The following SAMMSON variants were observed in gnomAD, a reference collection of about 807,000 sequenced individuals.
SAMMSON encodes survival associated mitochondrial melanoma specific oncogenic non-coding RNA, also known as long intergenic non-protein coding RNA 1212.
chr3:70,282,089 A>G (rs985978860), intron 6 of SAMMSON, among the ~76,000 whole-genome samples: 2 of 152,110 alleles, frequency 1.3e-5, no homozygotes, highest in Admixed American at 1.3e-4. Flanking sequence ...GCCAGGGAAG[A>G]AGGCTTTTTT....
At chr3:70,428,578 T>TA (rs972949466) in intron 2 of SAMMSON, among the ~76,000 whole-genome samples, 1 of 152,222 alleles carries the variant, frequency 6.6e-6, no homozygotes, top group Non-Finnish European at 1.5e-5. Flanking sequence ...TGTTGTATTC[T>TA]AAAAATGTGA....
intron 7 of SAMMSON, among the ~76,000 whole-genome samples, chr3:70,344,683 G>T (rs1702737411): frequency 6.6e-6 from 1 of 152,192 alleles, no homozygotes; most frequent in Non-Finnish European, 1.5e-5. Flanking sequence ...TGGGGCCAGA[G>T]CCAAGGGCAC....
At chr3:70,074,111 A>G (rs1422308602) in intron 4 of SAMMSON, among the ~76,000 whole-genome samples, 1 of 152,038 alleles carries the variant, frequency 6.6e-6, no homozygotes, top group African/African-American at 2.4e-5. Flanking sequence ...GATGATATTA[A>G]TCAATTGAAA....
intron 3 of SAMMSON, among the ~76,000 whole-genome samples, chr3:70,026,037 T>G (rs2067035962): frequency 6.6e-6 from 1 of 152,042 alleles, no homozygotes; most frequent in East Asian, 1.9e-4. Context: ...GTAATGGAAA[T>G]GACAAACAAT....
intron 4 of SAMMSON, among the ~76,000 whole-genome samples, chr3:70,110,702 C>T (rs926991062): frequency 1.3e-5 from 2 of 152,096 alleles, no homozygotes; most frequent in African/African-American, 4.8e-5. Context: ...GAGATTGGCC[C>T]AGCTCAGGTT....
chr3:70,035,987 A>G (rs1211133420), intron 3 of SAMMSON, among the ~76,000 whole-genome samples: 1 of 152,210 alleles, frequency 6.6e-6, no homozygotes, highest in Admixed American at 6.5e-5. Flanking sequence ...TAGTACCTGA[A>G]GAAAGTTAAA....
At chr3:70,134,350 T>C (rs893217558) in intron 4 of SAMMSON, among the ~76,000 whole-genome samples, 1 of 151,346 alleles carries the variant, frequency 6.6e-6, no homozygotes, top group Non-Finnish European at 1.5e-5. Flanking sequence ...CAATAAATGA[T>C]TTTTTTAACT....
intron 2 of SAMMSON, among the ~76,000 whole-genome samples, chr3:70,395,686 T>C (rs1372422415): frequency 6.6e-6 from 1 of 152,036 alleles, no homozygotes; most frequent in African/African-American, 2.4e-5. Flanking sequence ...GTTTAAGGAA[T>C]GTGGAGTGGC....
At chr3:70,137,239 G>A (rs1450482249) in intron 4 of SAMMSON, among the ~76,000 whole-genome samples, 1 of 152,098 alleles carries the variant, frequency 6.6e-6, no homozygotes, top group Non-Finnish European at 1.5e-5. Flanking sequence ...GCAATATATT[G>A]TTTAGAGAAA....
chr3:70,385,364 A>G (rs1461744999), intron 9 of SAMMSON, among the ~76,000 whole-genome samples: 9 of 152,134 alleles, frequency 5.9e-5, no homozygotes, highest in Non-Finnish European at 1.3e-4. Flanking sequence ...ACAAAGGCCA[A>G]AATTGGGCAC....
chr3:70,431,814 T>C (rs1701414781), intron 2 of SAMMSON, among the ~76,000 whole-genome samples: 1 of 152,046 alleles, frequency 6.6e-6, no homozygotes, highest in African/African-American at 2.4e-5. Context: ...TATATTTGGA[T>C]TTCATATAAA....
intron 4 of SAMMSON, among the ~76,000 whole-genome samples, chr3:70,181,180 T>G (rs1701050855): frequency 6.6e-6 from 1 of 152,180 alleles, no homozygotes; most frequent in South Asian, 2.1e-4. Context: ...CTTTCCTCTC[T>G]GCAATGGCCA....
At chr3:70,260,075 TG>T (rs938163980) in intron 6 of SAMMSON, among the ~76,000 whole-genome samples, 4 of 152,154 alleles carry the variant, frequency 2.6e-5, no homozygotes, top group Admixed American at 6.5e-5. Context: ...GAGATTTGGG[TG>T]GGGACACAAA....
intron 3 of SAMMSON, among the ~76,000 whole-genome samples, chr3:70,029,883 T>A (rs994513374): frequency 6.6e-6 from 1 of 152,224 alleles, no homozygotes; most frequent in Non-Finnish European, 1.5e-5. Flanking sequence ...TATTTGAGTA[T>A]CGTTTGCATT....
chr3:70,149,965 G>A (rs191852774), intron 4 of SAMMSON, among the ~76,000 whole-genome samples: 338 of 152,126 alleles, frequency 2.2e-3, no homozygotes, highest in Non-Finnish European at 3.8e-3. Flanking sequence ...TCTAAATTAC[G>A]TGTCCAGCTC....
At chr3:70,033,074 C>G (rs751714625) in intron 3 of SAMMSON, among the ~76,000 whole-genome samples, 15 of 152,218 alleles carry the variant, frequency 9.9e-5, no homozygotes, top group Middle Eastern at 6.8e-3. Flanking sequence ...TTACTTAATA[C>G]TCCTGGGGGT....
intron 4 of SAMMSON, among the ~76,000 whole-genome samples, chr3:70,147,770 A>G (rs2067555347): frequency 6.6e-6 from 1 of 152,062 alleles, no homozygotes; most frequent in African/African-American, 2.4e-5. Context: ...TCAAAATATA[A>G]TCAATCCCTA....
intron 7 of SAMMSON, among the ~76,000 whole-genome samples, chr3:70,339,799 A>ACTG (rs1702696292): frequency 6.6e-6 from 1 of 152,042 alleles, no homozygotes; most frequent in South Asian, 2.1e-4. Flanking sequence ...CTTTTACACC[A>ACTG]TTGGTGGGAC....
chr3:70,036,420 A>G (rs1029038099), intron 3 of SAMMSON, among the ~76,000 whole-genome samples: 3 of 152,148 alleles, frequency 2.0e-5, no homozygotes, highest in African/African-American at 7.2e-5. Flanking sequence ...AGGGATTGAT[A>G]TCACTCTCAG....
Sources: gnomAD v4.1 joint callset for allele counts (sites outside exome capture counted in the v4.1 genomes callset) on GRCh38, gnomAD v4.1.1 for gene constraint, MANE v1.5 for transcripts, NCBI Gene and HGNC (gene_info 2026-07-23, HGNC 2026-07-21) for gene names.